KLF12: variants seen among roughly 807,000 people sequenced by gnomAD.
KLF12 encodes KLF transcription factor 12.
KLF12 carries 9 observed loss-of-function variants against 37.8 expected under a neutral mutation model. The ratio of observed to expected loss-of-function variants is 0.24; its 90% CI spans 0.14 to 0.42. The LOEUF is 0.42. Ranked by LOEUF, KLF12 falls within the 10% of genes least tolerant of loss-of-function variation. KLF12 has a pLI of 1.00. For missense variants in KLF12, 411 were observed against 516.0 expected, an observed-to-expected ratio of 0.80 and a Z score of 1.97; for synonymous variants, 208 against 202.1, an observed-to-expected ratio of 1.03 and a Z score of -0.25.
chr13:74,052,791 T>A (rs756035373), intron 1 of KLF12, among the ~76,000 whole-genome samples: 41 of 152,130 alleles, frequency 2.7e-4, no homozygotes, highest in Non-Finnish European at 4.9e-4. Context: ...ACAGCTGAGA[T>A]GAAAAGTTGA....
At chr13:73,978,632 T>C (rs1380411329) in intron 2 of KLF12, among the ~76,000 whole-genome samples, 1 of 152,158 alleles carries the variant, frequency 6.6e-6, no homozygotes, top group Non-Finnish European at 1.5e-5. Context: ...AAGTCCAGGT[T>C]CCAGGCTTAA....
chr13:73,719,380 C>G (rs1876057086), intron 6 of KLF12, among the ~76,000 whole-genome samples: 1 of 143,084 alleles, frequency 7.0e-6, no homozygotes, highest in South Asian at 2.2e-4. Flanking sequence ...TTACTGGTAC[C>G]AAGTAATTTT....
At chr13:73,711,460 G>A (rs1875393240) in intron 7 of KLF12, among the ~76,000 whole-genome samples, 1 of 152,172 alleles carries the variant, frequency 6.6e-6, no homozygotes, top group African/African-American at 2.4e-5. Flanking sequence ...CTGAAGCCAA[G>A]GCTCATATAC....
the KLF12 span, among the ~76,000 whole-genome samples, chr13:74,143,262 T>A: frequency 2.8e-3 from 424 of 152,240 alleles, 1 homozygote; most frequent in African/African-American, 9.0e-3. Context: ...CCATGAAGCA[T>A]GAAGACTTTG....
Position 73,690,239 on chromosome 13 carries a change from A to C in KLF12, c.*5251T>G, listed in dbSNP as rs1235117862. 1 of 152,618 alleles carries C rather than the reference A, an allele frequency of 6.6e-6. No individual in the cohort carries two copies. The highest frequency in any genetic ancestry group is 1.9e-4 in the East Asian group (1 of 5,200). The allele number at this position is 152,618 out of a possible 1,614,324, so 9.5% of individuals were successfully genotyped here. A position where few individuals can be genotyped will look rare whatever the true frequency, so the allele number is the denominator to read the frequency against. On this transcript the variant is annotated 3_prime_UTR_variant, in exon 8 of 8. Transcript: ENST00000377669. ...TTGGTCATAAGGTTTACTGACAGGC[A>C]CTTTCAGCATTTAATTTATTTCTGA... is the stretch of plus-strand genomic sequence containing the variant.
At chr13:74,247,619 C>T in the KLF12 span, among the ~76,000 whole-genome samples, 1 of 152,128 alleles carries the variant, frequency 6.6e-6, no homozygotes, top group South Asian at 2.1e-4. Context: ...GTCAAGTTAT[C>T]TTTTTTTAGT....
chr13:73,891,795 T>G (rs1352290126), intron 3 of KLF12, among the ~76,000 whole-genome samples: 1 of 152,166 alleles, frequency 6.6e-6, no homozygotes, highest in African/African-American at 2.4e-5. Context: ...CTATAACTTT[T>G]ATTTCTAAAG....
At chr13:74,129,701 A>G (rs1338117812) in intron 1 of KLF12, among the ~76,000 whole-genome samples, 1 of 152,124 alleles carries the variant, frequency 6.6e-6, no homozygotes, top group Admixed American at 6.5e-5. Flanking sequence ...AAAAAAAAAA[A>G]GACAGGAAGA....
chr13:73,836,707 C>A (rs959185270), intron 4 of KLF12, among the ~76,000 whole-genome samples: 1 of 151,900 alleles, frequency 6.6e-6, no homozygotes, highest in African/African-American at 2.4e-5. Flanking sequence ...TTAAATAGAA[C>A]TATTCACAAG....
At chr13:74,186,087 G>A in the KLF12 span, among the ~76,000 whole-genome samples, 3,115 of 152,080 alleles carry the variant, frequency 0.02, 101 homozygotes, top group African/African-American at 0.068. Flanking sequence ...AGATGATAAC[G>A]TATTCTTTAA....
chr13:73,688,309 CTATT>C lies in KLF12; in HGVS notation c.*7177_*7180del, dbSNP rs1207709827. 1 of 152,476 alleles carries C rather than the reference CTATT, an allele frequency of 6.6e-6. No homozygotes were observed. Among genetic ancestry groups the C allele is most frequent in the Non-Finnish European group, 1.5e-5 (1 of 68,016 alleles). The allele number at this position is 152,476 out of a possible 1,614,324, so 9.4% of individuals were successfully genotyped here. A position where few individuals can be genotyped will look rare whatever the true frequency, so the allele number is the denominator to read the frequency against. On this transcript the variant is annotated 3_prime_UTR_variant, in exon 8 of 8. Transcript: ENST00000377669. Reference sequence around the variant, plus strand: ...TACTATAAACAAATTATTTATAAGACTATTTAAAACATTCCACAACAGAGCTGTT... The same window carrying C: ...TACTATAAACAAATTATTTATAAGACTAAAACATTCCACAACAGAGCTGTT...
At chr13:74,262,815 A>G in the KLF12 span, among the ~76,000 whole-genome samples, 23 of 152,158 alleles carry the variant, frequency 1.5e-4, no homozygotes, top group African/African-American at 4.6e-4. Context: ...ATATATATAT[A>G]TGTGTGCATA....
At chr13:74,065,126 A>C (rs1240873331) in intron 1 of KLF12, among the ~76,000 whole-genome samples, 2 of 151,786 alleles carry the variant, frequency 1.3e-5, no homozygotes, top group African/African-American at 4.8e-5. Context: ...ACTATCCTCC[A>C]TCTGCTTCAT....
intron 6 of KLF12, among the ~76,000 whole-genome samples, chr13:73,732,598 C>G (rs1160709472): frequency 1.3e-5 from 2 of 152,150 alleles, no homozygotes; most frequent in Admixed American, 6.5e-5. Context: ...CTGCATACCC[C>G]CTTCCCTCTT....
the KLF12 span, among the ~76,000 whole-genome samples, chr13:74,150,121 A>T: frequency 2.6e-5 from 4 of 151,528 alleles, no homozygotes; most frequent in South Asian, 8.4e-4. Flanking sequence ...AATTTCAGTA[A>T]GGACTGATTT....
chr13:73,756,523 G>T (rs1879177598), intron 6 of KLF12, among the ~76,000 whole-genome samples: 1 of 152,136 alleles, frequency 6.6e-6, no homozygotes, highest in Non-Finnish European at 1.5e-5. Context: ...TAATGATAGA[G>T]TGCTTTCACT....
At chr13:73,975,247 T>C (rs1040937256) in intron 2 of KLF12, among the ~76,000 whole-genome samples, 1 of 152,234 alleles carries the variant, frequency 6.6e-6, no homozygotes, top group African/African-American at 2.4e-5. Context: ...AATGAGGTAT[T>C]GTCCAATTCT....
At chr13:74,178,255 A>G in the KLF12 span, among the ~76,000 whole-genome samples, 20 of 152,138 alleles carry the variant, frequency 1.3e-4, 1 homozygote, top group Admixed American at 1.3e-3. Flanking sequence ...AGCTCCCAAG[A>G]CCTCCACTCA....
the KLF12 span, among the ~76,000 whole-genome samples, chr13:74,163,770 G>C: frequency 6.6e-6 from 1 of 151,828 alleles, no homozygotes; most frequent in African/African-American, 2.4e-5. Context: ...GAGGGGATGT[G>C]GATACCTCAT....
Sources: allele counts gnomAD v4.1 joint callset (sites outside exome capture counted in the v4.1 genomes callset), GRCh38; gene constraint gnomAD v4.1.1; transcripts MANE v1.5; gene names NCBI Gene and HGNC (gene_info 2026-07-23, HGNC 2026-07-21).